ABL2: variants seen among roughly 807,000 people sequenced by gnomAD.
The protein encoded by ABL2 is ABL proto-oncogene 2, non-receptor tyrosine kinase, also known as tyrosine-protein kinase ABL2.
A neutral mutation model predicts 107.7 loss-of-function variants in ABL2; 49 were observed. That is an observed-to-expected ratio of 0.45 (90% confidence interval 0.36 to 0.58). The LOEUF (loss-of-function observed/expected upper bound fraction) is 0.58. ABL2 is among the 20% of genes least tolerant of loss of function. The probability of loss-of-function intolerance (pLI) is 0.00; values close to 1 mark genes in which losing one functional copy is unlikely to be tolerated. For missense variants in ABL2, 1,245 were observed against 1,457.0 expected, an observed-to-expected ratio of 0.85 and a Z score of 2.37; for synonymous variants, 549 against 548.6, an observed-to-expected ratio of 1.00 and a Z score of -0.01.
chr1:179,184,365 G>A (rs1209384472), intron 1 of ABL2: 2 of 690,362 alleles, frequency 2.9e-6, no homozygotes, highest in Non-Finnish European at 4.9e-6. Flanking sequence ...AGCTGGAAAG[G>A]ATGCGATGAA....
At chr1:179,148,219 T>C (rs1398564701) in intron 1 of ABL2, among the ~76,000 whole-genome samples, 1 of 151,966 alleles carries the variant, frequency 6.6e-6, no homozygotes, top group Non-Finnish European at 1.5e-5. Flanking sequence ...TTGTATTTTT[T>C]TGTAGAGAAG....
At chr1:179,178,184 C>T (rs542875022) in intron 1 of ABL2, among the ~76,000 whole-genome samples, 11 of 151,428 alleles carry the variant, frequency 7.3e-5, no homozygotes, top group South Asian at 4.2e-4. Flanking sequence ...GATCACTTGA[C>T]GTAAAGAGTT....
At chr1:179,162,034 A>G (rs939426725) in intron 1 of ABL2, among the ~76,000 whole-genome samples, 42 of 152,168 alleles carry the variant, frequency 2.8e-4, no homozygotes, top group Admixed American at 2.7e-3. Context: ...CCCAGCCTCC[A>G]GAACTCTGAG....
At position 179,229,475 on chromosome 1, in the gene ABL2, G is replaced by A. The variant is rs1015965907; in HGVS notation, c.-78C>T. On this transcript the variant is annotated 5_prime_UTR_variant, in exon 1 of 12. Coordinates refer to ENST00000502732, the MANE Select transcript of ABL2 (RefSeq NM_007314.4). Reference sequence around the variant, plus strand: ...TCGGCTCCGGCCTCGGGCTCCTGGCGCTGCTCCGGTCTCTCCCTCCCAGCC... The same window carrying A: ...TCGGCTCCGGCCTCGGGCTCCTGGCACTGCTCCGGTCTCTCCCTCCCAGCC... 3 of 1,376,604 alleles carry A rather than the reference G, an allele frequency of 2.2e-6. No homozygotes were observed. In the African/African-American group the frequency reaches 4.7e-5, roughly 21 times the overall value. 85.3% of individuals were successfully genotyped at this position (1,376,604 alleles called of 1,614,324 possible). A position where few individuals can be genotyped will look rare whatever the true frequency, so the allele number is the denominator to read the frequency against.
chr1:179,218,543 T>C (rs1449615591), intron 1 of ABL2, among the ~76,000 whole-genome samples: 1 of 152,132 alleles, frequency 6.6e-6, no homozygotes, highest in Non-Finnish European at 1.5e-5. Context: ...ACTACAGGCG[T>C]ACGCCACCAC....
chr1:179,144,418 C>T (rs532425861), intron 1 of ABL2, among the ~76,000 whole-genome samples: 1 of 152,182 alleles, frequency 6.6e-6, no homozygotes, highest in Admixed American at 6.5e-5. Context: ...CAAGATCGCG[C>T]CACTGCACTC....
At chr1:179,131,099 CCTGA>C (rs745337157) in intron 3 of ABL2, 4 of 360,062 alleles carry the variant, frequency 1.1e-5, no homozygotes, top group East Asian at 5.2e-5. Flanking sequence ...GGCTACCACG[CCTGA>C]CTAATTTTTT....
At chr1:179,114,185 A>G (rs1177020474) in intron 9 of ABL2, among the ~76,000 whole-genome samples, 1 of 151,728 alleles carries the variant, frequency 6.6e-6, no homozygotes, top group Non-Finnish European at 1.5e-5. Context: ...AACCTGGGGG[A>G]CGGAGGTTGC....
Position 179,189,426 on chromosome 1 carries a change from G to A in ABL2, c.157+39815C>T, listed in dbSNP as rs113906994. 3.0e-3 allele frequency among the ~76,000 whole-genome samples: 458 copies of A among 152,220 alleles called. 1 individual carries two copies. The highest frequency in any genetic ancestry group is 0.011 in the African/African-American group (440 of 41,536). On this transcript the variant is annotated intron_variant, in intron 1 of 11. Transcript: ENST00000502732. Reference sequence around the variant, plus strand: ...TGGGATTACAGGCATGAGCCACCGCGCCCTGCCCTGTTCTAGGGTATTTTA... The same window carrying A: ...TGGGATTACAGGCATGAGCCACCGCACCCTGCCCTGTTCTAGGGTATTTTA...
chr1:179,177,760 G>C (rs1300167921), intron 1 of ABL2, among the ~76,000 whole-genome samples: 1 of 152,160 alleles, frequency 6.6e-6, no homozygotes, highest in Non-Finnish European at 1.5e-5. Context: ...TATGAAACCA[G>C]TATAAAAGTA....
At chr1:179,227,613 G>C (rs1365651321) in intron 1 of ABL2, among the ~76,000 whole-genome samples, 1 of 152,214 alleles carries the variant, frequency 6.6e-6, no homozygotes, top group East Asian at 1.9e-4. Flanking sequence ...ACAAAGTGAA[G>C]CTTACTTGGA....
At position 179,108,423 on chromosome 1, in the gene ABL2, G is replaced by A. The variant is rs35124879; in HGVS notation, c.2844C>T (p.Leu948=). The change falls in exon 12 of 12, where the codon CTC becomes CTT. Residue 948 remains leucine, a synonymous_variant. Coordinates refer to ENST00000502732, the MANE Select transcript of ABL2 (RefSeq NM_007314.4). ...TLKHTPADVQ[L]IGTDSQGNKF... ...TATTCCCCTGAGAGTCTGTGCCAAT[G>A]AGCTGCACGTCAGCTGGAGTGTGTT... 2.9e-3 allele frequency: 4,704 copies of A among 1,614,210 alleles called. 103 individuals carry two copies. The African/African-American group carries it at 0.049, about 17-fold the overall frequency.
intron 9 of ABL2, among the ~76,000 whole-genome samples, chr1:179,114,186 C>A (rs1459207906): frequency 6.6e-6 from 1 of 151,146 alleles, no homozygotes; most frequent in Non-Finnish European, 1.5e-5. Flanking sequence ...ACCTGGGGGA[C>A]GGAGGTTGCA....
At position 179,126,584 on chromosome 1, in the gene ABL2, G is replaced by C. The variant is rs1319741785; in HGVS notation, c.480C>G (p.Asn160Lys). ...SKNGQGWVPS[N>K]YITPVNSLEK... ...CCAGGCTGTTCACTGGGGTGATGTA[G>C]TTGCTTGGCACCCAGCCCTGCCCAT... The change falls in exon 4 of 12, where the codon AAC becomes AAG. Residue 160 changes from asparagine (N) to lysine (K), a missense_variant. By Grantham distance (94) the Asn-to-Lys change is moderately conservative. Around this residue, in one of 3 missense-constraint regions of ABL2, gnomAD observed 320 missense variants for 547.0 expected, o/e 0.59. Coordinates refer to ENST00000502732, the MANE Select transcript of ABL2 (RefSeq NM_007314.4). This position sits in a 1 kb window ranked among gnomAD's most constrained non-coding sequence, Gnocchi z 4.4. The C allele has an allele frequency of 1.9e-6, 3 of 1,614,136 alleles. No homozygotes were observed. In the Admixed American group the frequency reaches 5.0e-5, roughly 27 times the overall value.
chr1:179,177,682 T>G lies in ABL2; in HGVS notation c.158-44308A>C, dbSNP rs1422505417. On this transcript the variant is annotated intron_variant, in intron 1 of 11. Transcript: ENST00000502732. ...GGAAACCACAGGTGGTAAAATCAAC[T>G]TTTAAAATATTTAAGAATAAAAAGT... is the stretch of plus-strand genomic sequence containing the variant. Among the ~76,000 whole-genome samples, 4 of 152,340 alleles carry G rather than the reference T, an allele frequency of 2.6e-5. No individual in the cohort carries two copies. In the East Asian group the frequency reaches 7.7e-4, roughly 29 times the overall value.
At chr1:179,141,867 C>T (rs553622044) in intron 1 of ABL2, among the ~76,000 whole-genome samples, 1 of 152,182 alleles carries the variant, frequency 6.6e-6, no homozygotes, top group South Asian at 2.1e-4. Flanking sequence ...AAGCTAAGAA[C>T]GAACATATTT....
At position 179,229,256 on chromosome 1, in the gene ABL2, T is replaced by C. The variant is rs1396896893; in HGVS notation, c.142A>G (p.Ile48Val). Residue 48 changes from isoleucine (I) to valine (V), a missense_variant, in exon 1 of 12, where the codon ATC becomes GTC. Physicochemically the swap from Ile to Val is conservative, Grantham distance 29 (BLOSUM62 3). Around this residue, in one of 3 missense-constraint regions of ABL2, gnomAD observed 164 missense variants for 143.7 expected, o/e 1.14. Coordinates refer to ENST00000502732, the MANE Select transcript of ABL2 (RefSeq NM_007314.4). Reference sequence around the variant, plus strand: ...ACACACTCACCATGCTGGGTGAAGATATTGAAGCCGGTCTCTGTGGTGCGC... The same window carrying C: ...ACACACTCACCATGCTGGGTGAAGACATTGAAGCCGGTCTCTGTGGTGCGC... ...AGRTTETGFN[I>V]FTQHDHFASC... The C allele has an allele frequency of 2.6e-6, 4 of 1,517,758 alleles. No individual in the cohort carries two copies. The highest frequency in any genetic ancestry group is 2.7e-6 in the Non-Finnish European group (3 of 1,131,670). 94.0% of individuals were successfully genotyped at this position (1,517,758 alleles called of 1,614,324 possible). A position where few individuals can be genotyped will look rare whatever the true frequency, so the allele number is the denominator to read the frequency against.
chr1:179,180,133 A>G (rs538847804), intron 1 of ABL2, among the ~76,000 whole-genome samples: 1 of 151,778 alleles, frequency 6.6e-6, no homozygotes, highest in South Asian at 2.1e-4. Context: ...AAAACAAAAA[A>G]AAAAAGGGGG....
At chr1:179,139,969 T>A (rs911482184) in intron 1 of ABL2, among the ~76,000 whole-genome samples, 1 of 152,178 alleles carries the variant, frequency 6.6e-6, no homozygotes, top group African/African-American at 2.4e-5. Flanking sequence ...GCCAAAAAGG[T>A]TGGGACCACT....
Sources: allele counts gnomAD v4.1 joint callset (sites outside exome capture counted in the v4.1 genomes callset), GRCh38; gene constraint gnomAD v4.1.1; regional missense constraint gnomAD v4.1.1; non-coding constraint Gnocchi (gnomAD v3.1); transcripts MANE v1.5; gene names NCBI Gene and HGNC (gene_info 2026-07-23, HGNC 2026-07-21).